RTN4: variants seen among roughly 807,000 people sequenced by gnomAD.
RTN4 encodes the protein reticulon-4.
In RTN4, 32 loss-of-function variants were observed where a neutral mutation model predicts 90.4. That is an observed-to-expected ratio of 0.35 (90% CI 0.27 to 0.48). RTN4 has a LOEUF of 0.48. RTN4 is among the 20% of genes least tolerant of loss of function. The pLI, the probability that RTN4 is intolerant of heterozygous loss-of-function variation, is 0.99. For missense variants in RTN4, 1,706 were observed against 1,430.2 expected (o/e 1.19, Z -3.11); for synonymous variants, 629 against 552.5 (o/e 1.14, Z -1.94).
At chr2:55,061,829 C>T (rs536464173) in intron 2 of RTN4, among the ~76,000 whole-genome samples, 59 of 152,272 alleles carry the variant, frequency 3.9e-4, no homozygotes, top group African/African-American at 1.2e-3. Flanking sequence ...ACCTAGGTGA[C>T]GACAGGCACT....
At chr2:54,973,924 ACACT>A in intron 6 of RTN4, 57 bp from the exon 7 acceptor site, 1 of 1,472,050 alleles carries the variant, frequency 6.8e-7, no homozygotes, top group Non-Finnish European at 9.4e-7. Context: ...GGAGGAATAA[ACACT>A]CAAAAAACTA....
At chr2:55,008,360 C>T (rs1469376848) in intron 3 of RTN4, among the ~76,000 whole-genome samples, 9 of 151,908 alleles carry the variant, frequency 5.9e-5, no homozygotes, top group Non-Finnish European at 1.2e-4. Flanking sequence ...AAACTCATTC[C>T]ATGACAGCTT....
At chr2:55,132,614 C>G in the RTN4 span, among the ~76,000 whole-genome samples, 7 of 151,862 alleles carry the variant, frequency 4.6e-5, no homozygotes, top group Admixed American at 4.6e-4. Flanking sequence ...GAGTTTGAGA[C>G]CAGCCTGGGC....
chr2:55,069,369 G>A (rs1411215713), intron 2 of RTN4, among the ~76,000 whole-genome samples: 5 of 152,092 alleles, frequency 3.3e-5, no homozygotes, highest in East Asian at 1.9e-4. Context: ...CTCTGTAACC[G>A]CCCCCCTCAA....
chr2:55,051,526 A>C (rs530808581), upstream of RTN4, among the ~76,000 whole-genome samples: 1 of 152,338 alleles, frequency 6.6e-6, no homozygotes, highest in Non-Finnish European at 1.5e-5. Context: ...TGTAAGAATC[A>C]GGATCCTTTT....
chr2:55,064,799 A>C (rs1668362123), intron 2 of RTN4, among the ~76,000 whole-genome samples: 1 of 152,228 alleles, frequency 6.6e-6, no homozygotes, highest in South Asian at 2.1e-4. Flanking sequence ...GAGTCAAATT[A>C]ATTATAATGT....
intron 3 of RTN4, among the ~76,000 whole-genome samples, chr2:54,993,804 G>C (rs1010737429): frequency 7.9e-5 from 12 of 152,180 alleles, no homozygotes; most frequent in African/African-American, 2.9e-4. Context: ...ACTAGGCACT[G>C]ATAGTCACAC....
chr2:55,126,575 G>C, the RTN4 span, among the ~76,000 whole-genome samples: 1 of 152,312 alleles, frequency 6.6e-6, no homozygotes, highest in East Asian at 1.9e-4. Context: ...TACGCTGTTG[G>C]TGGGATTATA....
the RTN4 span, among the ~76,000 whole-genome samples, chr2:55,126,366 T>C: frequency 1.4e-5 from 2 of 146,736 alleles, no homozygotes; most frequent in Non-Finnish European, 3.0e-5. Context: ...CAAAACTCCG[T>C]CTCAAAAAGA....
chr2:55,061,932 G>A (rs1434995040), intron 2 of RTN4, among the ~76,000 whole-genome samples: 2 of 152,132 alleles, frequency 1.3e-5, no homozygotes, highest in African/African-American at 2.4e-5. Flanking sequence ...ACCCTAGCAA[G>A]GCAAACACAC....
intron 3 of RTN4, among the ~76,000 whole-genome samples, chr2:54,997,480 T>C (rs951823133): frequency 1.3e-5 from 2 of 152,174 alleles, no homozygotes; most frequent in African/African-American, 4.8e-5. Flanking sequence ...AGTTATCTTA[T>C]TACCTGGCAA....
rs12997021 is a variant in RTN4 at position 55,064,970 on chromosome 2, G to A, written c.-63+15519C>T. Among the ~76,000 whole-genome samples the A allele has an allele frequency of 3.6e-3, 545 of 152,108 alleles. 4 individuals carry two copies. Among genetic ancestry groups the A allele is most frequent in the Non-Finnish European group, 5.6e-3 (383 of 67,984 alleles). On this transcript the variant is annotated intron_variant, in intron 2 of 3. Transcript: ENST00000427710. The stretch of plus-strand genomic sequence containing the variant: ...ATTAATAGCTTTAATTTTCCATTTC[G>A]AATGCATGTGTTATATTATATGTGT...
chr2:55,110,148 A>C (rs896885572), intron 1 of RTN4, among the ~76,000 whole-genome samples: 29 of 151,802 alleles, frequency 1.9e-4, no homozygotes, highest in Admixed American at 6.6e-4. Flanking sequence ...ATCTCTACCC[A>C]AAAAATACAA....
Position 55,027,453 on chromosome 2 carries a change from T to C in RTN4, c.646A>G (p.Thr216Ala). 1.2e-6 allele frequency: 2 copies of C among 1,611,742 alleles called. No homozygotes were observed. Among genetic ancestry groups the C allele is most frequent in the East Asian group, 2.2e-5 (1 of 44,854 alleles). Reference sequence around the variant, plus strand: ...AAATCCTCTTGACCAGCCGAAATAGTGTTACCTGGCTGCTCCTTCAAGTCC... The same window carrying C: ...AAATCCTCTTGACCAGCCGAAATAGCGTTACCTGGCTGCTCCTTCAAGTCC... ...NMDLKEQPGN[T>A]ISAGQEDFPS... is the part of the protein sequence containing the mutation. The change falls in exon 3 of 9, where the codon ACT becomes GCT. Residue 216 changes from threonine (T) to alanine (A), a missense_variant. Transcript: ENST00000337526.
the RTN4 span, among the ~76,000 whole-genome samples, chr2:55,119,614 G>C: frequency 6.6e-6 from 1 of 152,192 alleles, no homozygotes; most frequent in Non-Finnish European, 1.5e-5. Context: ...AGAGTGACCA[G>C]CCCAACTTGG....
chr2:55,029,436 G>A (rs887790610), intron 1 of RTN4, among the ~76,000 whole-genome samples: 1 of 152,100 alleles, frequency 6.6e-6, no homozygotes, highest in Non-Finnish European at 1.5e-5. Context: ...CTAGAGAAAG[G>A]CCTCTACCAT....
At chr2:54,993,461 C>G (rs1160692085) in intron 3 of RTN4, among the ~76,000 whole-genome samples, 1 of 152,136 alleles carries the variant, frequency 6.6e-6, no homozygotes, top group African/African-American at 2.4e-5. Flanking sequence ...TGAATCAAGT[C>G]AATTTTCCCA....
intron 2 of RTN4, among the ~76,000 whole-genome samples, chr2:55,072,560 G>A (rs982041639): frequency 1.2e-4 from 18 of 152,128 alleles, no homozygotes; most frequent in Admixed American, 1.0e-3. Flanking sequence ...ATACATTCTT[G>A]GTTGTGAAGC....
rs1410641656 is a variant in RTN4, at chr2:55,025,486, G to C, written c.2613C>G (p.Phe871Leu). The C allele has an allele frequency of 1.9e-6, 3 of 1,613,584 alleles. No homozygotes were observed. The highest frequency in any genetic ancestry group is 1.3e-5 in the African/African-American group (1 of 74,998). ...DSSPIEIIDE[F>L]PTLISSKTDS... ...CAGTTTTAGAACTGATCAATGTAGG[G>C]AACTCATCTATAATTTCAATTGGAG... Residue 871 changes from phenylalanine to leucine, a missense_variant, in exon 3 of 9, where the codon TTC becomes TTG. Phe to Leu is a conservative substitution (Grantham distance 22). Coordinates refer to ENST00000337526, the MANE Select transcript of RTN4 (RefSeq NM_020532.5).
Sources: allele counts gnomAD v4.1 joint callset (sites outside exome capture counted in the v4.1 genomes callset), GRCh38; gene constraint gnomAD v4.1.1; transcripts MANE v1.5; gene names NCBI Gene and HGNC (gene_info 2026-07-23, HGNC 2026-07-21).